TBCA: variants seen among roughly 807,000 people sequenced by gnomAD.
TBCA encodes the protein tubulin-specific chaperone A.
In TBCA, 6 loss-of-function variants were observed where a neutral mutation model predicts 15.8. That is an observed-to-expected ratio of 0.38 (90% CI 0.21 to 0.75). The LOEUF is 0.75. Ranked by LOEUF, TBCA falls within the 30% of genes least tolerant of loss-of-function variation. The pLI is 0.46. For synonymous variants in TBCA, 32 were observed against 42.3 expected (o/e 0.76, Z 0.94); for missense variants, 90 against 131.2 (o/e 0.69, Z 1.53).
chr5:77,760,401 TTCCTTTCC>T (rs1327955256), intron 1 of TBCA, among the ~76,000 whole-genome samples: 1 of 152,080 alleles, frequency 6.6e-6, no homozygotes, highest in African/African-American at 2.4e-5. Context: ...TTCCTTTCCT[TTCCTTTCC>T]TCCTTTCCTC....
At chr5:77,757,630 C>A (rs538933963) in intron 1 of TBCA, among the ~76,000 whole-genome samples, 8 of 152,198 alleles carry the variant, frequency 5.3e-5, no homozygotes, top group East Asian at 1.9e-4. Flanking sequence ...TAAAGATAGC[C>A]CAAGCTGGTA....
chr5:77,721,965 T>C (rs1746538882), intron 1 of TBCA, among the ~76,000 whole-genome samples: 1 of 152,066 alleles, frequency 6.6e-6, no homozygotes, highest in Middle Eastern at 3.2e-3. Flanking sequence ...AGTATTGTTT[T>C]AGCATGTAAA....
At chr5:77,740,649 G>C (rs1747010568) in intron 1 of TBCA, among the ~76,000 whole-genome samples, 1 of 152,180 alleles carries the variant, frequency 6.6e-6, no homozygotes, top group Non-Finnish European at 1.5e-5. Flanking sequence ...AGGTGGAAAT[G>C]GCCAAAGGTA....
intron 1 of TBCA, among the ~76,000 whole-genome samples, chr5:77,716,334 A>ACAAAT (rs1746398539): frequency 6.6e-6 from 1 of 152,216 alleles, no homozygotes; most frequent in Non-Finnish European, 1.5e-5. Context: ...ATGGGCATCA[A>ACAAAT]CAAATCTGCT....
chr5:77,715,383 G>T, intron 1 of TBCA: 1 of 664,308 alleles, frequency 1.5e-6, no homozygotes, highest in South Asian at 1.7e-5. Context: ...CAGTCTAAAT[G>T]AGGATCTTAG....
intron 1 of TBCA, among the ~76,000 whole-genome samples, chr5:77,715,837 C>T (rs1314070208): frequency 2.0e-5 from 3 of 152,128 alleles, no homozygotes; most frequent in Non-Finnish European, 4.4e-5. Context: ...TCATTAATTC[C>T]TTCAAACAGG....
intron 1 of TBCA, among the ~76,000 whole-genome samples, chr5:77,738,922 G>A (rs1051429600): frequency 1.3e-5 from 2 of 152,112 alleles, no homozygotes; most frequent in African/African-American, 4.8e-5. Flanking sequence ...TTTCCAAACT[G>A]CTGGTTGTAA....
At chr5:77,770,838 A>G (rs917401101) in intron 1 of TBCA, among the ~76,000 whole-genome samples, 2 of 152,206 alleles carry the variant, frequency 1.3e-5, no homozygotes, top group African/African-American at 2.4e-5. Flanking sequence ...GAAACTTAGT[A>G]TAATAACCCA....
At chr5:77,759,172 A>C (rs1264867866) in intron 1 of TBCA, among the ~76,000 whole-genome samples, 1 of 152,198 alleles carries the variant, frequency 6.6e-6, no homozygotes, top group Non-Finnish European at 1.5e-5. Flanking sequence ...TTTGATCTGG[A>C]AGGGCAGGAC....
At chr5:77,732,020 CAT>C (rs1006381319) in intron 1 of TBCA, among the ~76,000 whole-genome samples, 28 of 152,268 alleles carry the variant, frequency 1.8e-4, no homozygotes, top group African/African-American at 6.7e-4. Flanking sequence ...GAGAAACTAA[CAT>C]CTCTCTGGGA....
chr5:77,738,799 T>C (rs1580119552), intron 1 of TBCA, among the ~76,000 whole-genome samples: 1 of 152,090 alleles, frequency 6.6e-6, no homozygotes, highest in Non-Finnish European at 1.5e-5. Context: ...GCCAGGCTGG[T>C]CTCAAACTCC....
At chr5:77,768,642 A>G (rs1030490681) in intron 1 of TBCA, among the ~76,000 whole-genome samples, 7 of 152,206 alleles carry the variant, frequency 4.6e-5, no homozygotes, top group African/African-American at 1.7e-4. Context: ...TAATGTGCCA[A>G]CACCATACCA....
At chr5:77,697,903 G>A (rs1263531132) in intron 2 of TBCA, among the ~76,000 whole-genome samples, 2 of 152,100 alleles carry the variant, frequency 1.3e-5, no homozygotes, top group Non-Finnish European at 2.9e-5. Flanking sequence ...GTTGGGGCAG[G>A]CAGATCGCTT....
chr5:77,738,013 A>G (rs1361638908), intron 1 of TBCA, among the ~76,000 whole-genome samples: 2 of 152,218 alleles, frequency 1.3e-5, no homozygotes, highest in Non-Finnish European at 2.9e-5. Context: ...CTTACCAACA[A>G]GAAAACCCCA....
In TBCA at chr5:77,731,602, A is replaced by G. The variant is rs186116362; in HGVS notation, c.54-23255T>C. Among the ~76,000 whole-genome samples the G allele has an allele frequency of 3.9e-3, 589 of 152,154 alleles. 4 individuals carry two copies. Among genetic ancestry groups the G allele is most frequent in the Middle Eastern group, 0.014 (4 of 294 alleles). ...CATCTCTTTCTTACTAATGTGTAAGAGCTCTCTCTATATTCCGTATCTCTA... is the reference window on the plus strand; with the variant it reads ...CATCTCTTTCTTACTAATGTGTAAGGGCTCTCTCTATATTCCGTATCTCTA... On this transcript the variant is annotated intron_variant, in intron 1 of 3. Transcript: ENST00000380377.
chr5:77,763,855 A>G (rs1220891612), intron 1 of TBCA, among the ~76,000 whole-genome samples: 1 of 152,250 alleles, frequency 6.6e-6, no homozygotes, highest in Non-Finnish European at 1.5e-5. Context: ...GAATACTCAC[A>G]TACTTATGAC....
intron 2 of TBCA, among the ~76,000 whole-genome samples, chr5:77,695,049 T>C (rs1745843667): frequency 6.6e-6 from 1 of 152,212 alleles, no homozygotes; most frequent in African/African-American, 2.4e-5. Flanking sequence ...CTTTTTCCTA[T>C]TTCCTTTCCT....
At chr5:77,765,759 A>C (rs920425180) in intron 1 of TBCA, among the ~76,000 whole-genome samples, 5 of 152,078 alleles carry the variant, frequency 3.3e-5, no homozygotes, top group Admixed American at 2.0e-4. Context: ...ACACACCTGA[A>C]ATCCATTCTG....
chr5:77,719,556 A>G (rs1322987999), intron 1 of TBCA, among the ~76,000 whole-genome samples: 1 of 152,246 alleles, frequency 6.6e-6, no homozygotes, highest in Non-Finnish European at 1.5e-5. Flanking sequence ...TAATTAATCC[A>G]TTAAACTGGA....
Sources: gnomAD v4.1 joint callset for allele counts (sites outside exome capture counted in the v4.1 genomes callset) on GRCh38, gnomAD v4.1.1 for gene constraint, MANE v1.5 for transcripts, NCBI Gene and HGNC (gene_info 2026-07-23, HGNC 2026-07-21) for gene names.